Variants in NBEA observed in about 807,000 individuals in gnomAD.
The protein encoded by NBEA is neurobeachin, also known as lysosomal-trafficking regulator 2.
A neutral mutation model predicts 343.4 loss-of-function variants in NBEA; 44 were observed. The ratio of observed to expected loss-of-function variants is 0.13; its 90% CI spans 0.10 to 0.16. The LOEUF is 0.16. NBEA is among the 10% of genes least tolerant of loss of function. The pLI, the probability that NBEA is intolerant of heterozygous loss-of-function variation, is 1.00. For synonymous variants in NBEA, 1,175 were observed against 1,238.7 expected, an observed-to-expected ratio of 0.95 and a Z score of 1.08; for missense variants, 2,555 against 3,631.3, an observed-to-expected ratio of 0.70 and a Z score of 7.62.
chr13:35,311,279 G>A (rs1281228650), intron 36 of NBEA, among the ~76,000 whole-genome samples: 3 of 151,592 alleles, frequency 2.0e-5, no homozygotes, highest in African/African-American at 4.8e-5. Context: ...AACTCTCAAT[G>A]ACATATCCAC....
intron 24 of NBEA, among the ~76,000 whole-genome samples, chr13:35,164,831 T>C (rs1327760512): frequency 6.6e-6 from 1 of 152,226 alleles, no homozygotes; most frequent in Non-Finnish European, 1.5e-5. Flanking sequence ...CATTTTCATT[T>C]ATTTACTGAT....
chr13:35,105,143 G>A (rs2065852743), intron 11 of NBEA, among the ~76,000 whole-genome samples: 1 of 151,926 alleles, frequency 6.6e-6, no homozygotes, highest in South Asian at 2.1e-4. Flanking sequence ...ATGGGAGCGT[G>A]GTCTTCAAGA....
chr13:35,517,963 G>A (rs967850527), intron 41 of NBEA, among the ~76,000 whole-genome samples: 2 of 152,068 alleles, frequency 1.3e-5, no homozygotes, highest in African/African-American at 2.4e-5. Context: ...ACATGAAAAA[G>A]CCTTTACTAT....
In NBEA at chr13:35,572,117, C is replaced by A. The variant is rs564787560; in HGVS notation, c.7035+5100C>A. ...CTTTGACCTATCTTTTCAACACCAACCAACAGTAGGTTTAGAGATTTCCTC... is the reference window on the plus strand; with the variant it reads ...CTTTGACCTATCTTTTCAACACCAAACAACAGTAGGTTTAGAGATTTCCTC... On this transcript the variant is annotated intron_variant, in intron 45 of 58. Transcript: ENST00000379939. 2.0e-5 allele frequency among the ~76,000 whole-genome samples: 3 copies of A among 152,262 alleles called. No individual in the cohort carries two copies. In the East Asian group the frequency reaches 5.8e-4, roughly 29 times the overall value.
intron 10 of NBEA, among the ~76,000 whole-genome samples, chr13:35,084,957 C>A (rs1353103322): frequency 4.6e-5 from 7 of 152,296 alleles, no homozygotes; most frequent in South Asian, 2.1e-4. Context: ...ATAAACACCT[C>A]TATGCAAATA....
chr13:35,367,645 AC>A (rs1364255128), intron 38 of NBEA, among the ~76,000 whole-genome samples: 1 of 151,272 alleles, frequency 6.6e-6, no homozygotes, highest in Non-Finnish European at 1.5e-5. Context: ...TGATAAAGAT[AC>A]CATTCAGAGC....
chr13:35,511,631 CTATA>C (rs2077279624), intron 41 of NBEA, among the ~76,000 whole-genome samples: 1 of 152,070 alleles, frequency 6.6e-6, no homozygotes, highest in African/African-American at 2.4e-5. Context: ...AGATATCTCT[CTATA>C]TATGCAGTTA....
intron 38 of NBEA, among the ~76,000 whole-genome samples, chr13:35,379,589 G>A (rs9544179): frequency 1.3e-5 from 2 of 152,016 alleles, no homozygotes; most frequent in African/African-American, 4.8e-5. Context: ...TCTTTGCCTA[G>A]TGTGGCATCA....
intron 47 of NBEA, among the ~76,000 whole-genome samples, 172 bp from the exon 48 acceptor site, chr13:35,606,254 A>T (rs2082275891): frequency 6.6e-6 from 1 of 152,194 alleles, no homozygotes; most frequent in East Asian, 1.9e-4. Flanking sequence ...GAAATGCTTC[A>T]TCTCAGATCT....
chr13:34,989,134 C>T (rs2060660295), intron 1 of NBEA, among the ~76,000 whole-genome samples: 2 of 150,842 alleles, frequency 1.3e-5, no homozygotes, highest in Non-Finnish European at 1.5e-5. Context: ...TTCTACATCT[C>T]TAGCTTTTCA....
intron 1 of NBEA, among the ~76,000 whole-genome samples, chr13:34,989,650 A>G (rs990742110): frequency 6.6e-6 from 1 of 150,720 alleles, no homozygotes; most frequent in African/African-American, 2.4e-5. Flanking sequence ...GAGCCAAACT[A>G]TATCATTCCA....
intron 34 of NBEA, among the ~76,000 whole-genome samples, chr13:35,286,595 A>C (rs2152815402): frequency 6.6e-6 from 1 of 152,264 alleles, no homozygotes; most frequent in African/African-American, 2.4e-5. Context: ...AGATGTAAAA[A>C]GTTAGACCCG....
intron 38 of NBEA, among the ~76,000 whole-genome samples, chr13:35,368,993 A>G (rs2041277475): frequency 6.6e-6 from 1 of 151,738 alleles, no homozygotes; most frequent in Admixed American, 6.6e-5. Context: ...TCTAAGGCAC[A>G]CATCAGTGCT....
chr13:35,369,745 T>C (rs1013004401), intron 38 of NBEA, among the ~76,000 whole-genome samples: 1 of 151,982 alleles, frequency 6.6e-6, no homozygotes, highest in African/African-American at 2.4e-5. Flanking sequence ...AAGAGGTTTT[T>C]GGTGGAGTCT....
intron 35 of NBEA, among the ~76,000 whole-genome samples, chr13:35,300,431 G>A (rs187025552): frequency 8.4e-4 from 128 of 152,174 alleles, no homozygotes; most frequent in Non-Finnish European, 1.5e-3. Context: ...ATTCAGAACC[G>A]TGTGTATCTC....
intron 38 of NBEA, among the ~76,000 whole-genome samples, chr13:35,352,910 A>G (rs976356616): frequency 5.3e-5 from 8 of 152,062 alleles, no homozygotes; most frequent in African/African-American, 1.9e-4. Flanking sequence ...TGGACATACA[A>G]TTATTGTTGT....
intron 1 of NBEA, among the ~76,000 whole-genome samples, chr13:35,011,518 TATAAAC>T (rs2061493391): frequency 1.3e-5 from 2 of 152,230 alleles, no homozygotes; most frequent in African/African-American, 4.8e-5. Context: ...ATAATATTGA[TATAAAC>T]AGAATTATTA....
Position 35,509,365 on chromosome 13 carries a change from T to C in NBEA, c.6585+36829T>C, listed in dbSNP as rs143261815. Among the ~76,000 whole-genome samples the C allele has an allele frequency of 6.7e-4, 102 of 152,062 alleles. 1 individual carries two copies. The highest frequency in any genetic ancestry group is 2.3e-3 in the African/African-American group (96 of 41,492). ...TGTCCCAGGTCATGTGAGGCAGGTG[T>C]GTAGAGTCAGAGAGAGAGAGAGAGA... On this transcript the variant is annotated intron_variant, in intron 41 of 58. Transcript: ENST00000379939.
At chr13:35,634,902 C>A (rs1303517114) in intron 49 of NBEA, among the ~76,000 whole-genome samples, 1 of 152,044 alleles carries the variant, frequency 6.6e-6, no homozygotes, top group Non-Finnish European at 1.5e-5. Flanking sequence ...AGGAAGTAGG[C>A]TAGATTACTT....
Sources: gnomAD v4.1 joint callset for allele counts (sites outside exome capture counted in the v4.1 genomes callset) on GRCh38, gnomAD v4.1.1 for gene constraint, MANE v1.5 for transcripts, NCBI Gene and HGNC (gene_info 2026-07-23, HGNC 2026-07-21) for gene names.